Variants in PCDH15 observed in about 807,000 individuals in gnomAD.
PCDH15 encodes protocadherin related 15, also known as protocadherin-15.
Under a neutral mutation model 178.5 loss-of-function variants are expected in PCDH15, and 129 were observed. The ratio of observed to expected loss-of-function variants is 0.72; its 90% CI spans 0.63 to 0.84. PCDH15 has a LOEUF of 0.84. Ranked by LOEUF, PCDH15 falls within the 40% of genes least tolerant of loss-of-function variation. The pLI is 0.00. For synonymous variants in PCDH15, 800 were observed against 732.0 expected (o/e 1.09, Z -1.50); for missense variants, 2,230 against 2,099.9 (o/e 1.06, Z -1.21).
At chr10:54,054,823 T>C (rs2093850821) in intron 18 of PCDH15, among the ~76,000 whole-genome samples, 1 of 151,994 alleles carries the variant, frequency 6.6e-6, no homozygotes, top group Non-Finnish European at 1.5e-5. Context: ...GTGTGGGCTT[T>C]TTTCTTTATC....
intron 2 of PCDH15, among the ~76,000 whole-genome samples, chr10:55,522,270 A>T (rs1841193864): frequency 6.6e-6 from 1 of 151,874 alleles, no homozygotes; most frequent in South Asian, 2.1e-4. Flanking sequence ...CTATGGTTTT[A>T]ATTCGCATTT....
rs2093978909 is a variant in PCDH15 at position 54,059,919 on chromosome 10, T to C, written c.2220+6838A>G. Among the ~76,000 whole-genome samples, 7 of 152,236 alleles carry C rather than the reference T, an allele frequency of 4.6e-5. No individual in the cohort carries two copies. The South Asian group carries it at 1.4e-3, about 31-fold the overall frequency. ...TTCAAAAATTGATAGTCATTATTAC[T>C]GATTTTTTACTAGAGCTGTCAGTCT... On this transcript the variant is annotated intron_variant, in intron 18 of 37. Coordinates refer to ENST00000644397, the MANE Select transcript of PCDH15 (RefSeq NM_001384140.1).
chr10:54,942,669 G>T (rs531163966), intron 2 of PCDH15, among the ~76,000 whole-genome samples: 1 of 151,918 alleles, frequency 6.6e-6, no homozygotes, highest in Non-Finnish European at 1.5e-5. Context: ...TAAATATGTA[G>T]CACAAGGTCA....
chr10:54,013,849 G>C (rs1265146641), intron 20 of PCDH15, among the ~76,000 whole-genome samples: 1 of 151,966 alleles, frequency 6.6e-6, no homozygotes. Flanking sequence ...ACAGGAACTA[G>C]AGAAACAAGA....
In PCDH15 at chr10:54,762,800, A is replaced by C. The variant is rs139089209; in HGVS notation, c.-29+38125T>G. Reference sequence around the variant, plus strand: ...GTGCAATCATAAAAACAATGGTTTTATAATGAAAGAAATATTTCATAATTG... The same window carrying C: ...GTGCAATCATAAAAACAATGGTTTTCTAATGAAAGAAATATTTCATAATTG... On this transcript the variant is annotated intron_variant, in intron 1 of 37. Coordinates refer to ENST00000644397, the MANE Select transcript of PCDH15 (RefSeq NM_001384140.1). 7.6e-3 allele frequency among the ~76,000 whole-genome samples: 1,153 copies of C among 152,308 alleles called. 14 individuals carry two copies. The highest frequency in any genetic ancestry group is 0.026 in the African/African-American group (1,072 of 41,568).
At chr10:54,026,861 T>C (rs1023526443) in intron 18 of PCDH15, among the ~76,000 whole-genome samples, 2 of 151,930 alleles carry the variant, frequency 1.3e-5, no homozygotes, top group African/African-American at 4.8e-5. Flanking sequence ...CTGGAAGCAT[T>C]CCCCTTGAAA....
intron 9 of PCDH15, among the ~76,000 whole-genome samples, chr10:54,225,737 G>T (rs1003477573): frequency 6.6e-6 from 1 of 150,822 alleles, no homozygotes; most frequent in African/African-American, 2.5e-5. Context: ...ATAGTGAAAT[G>T]CACAGATCTT....
chr10:54,272,686 G>A (rs1564836518), intron 8 of PCDH15, among the ~76,000 whole-genome samples: 1 of 152,102 alleles, frequency 6.6e-6, no homozygotes, highest in African/African-American at 2.4e-5. Flanking sequence ...CACTTCATGA[G>A]ATGCTTTATC....
At chr10:53,893,585 T>C (rs1589287834) in intron 26 of PCDH15, among the ~76,000 whole-genome samples, 5 of 152,288 alleles carry the variant, frequency 3.3e-5, no homozygotes, top group Admixed American at 3.3e-4. Flanking sequence ...GAAAATGTGG[T>C]ATATATACAC....
intron 2 of PCDH15, among the ~76,000 whole-genome samples, chr10:54,927,136 G>T (rs1050278203): frequency 2.0e-5 from 3 of 151,986 alleles, no homozygotes; most frequent in Non-Finnish European, 4.4e-5. Flanking sequence ...CTGGTGTGTT[G>T]TATACTTGTT....
chr10:55,143,515 C>G (rs1031301913), intron 2 of PCDH15, among the ~76,000 whole-genome samples: 1 of 151,976 alleles, frequency 6.6e-6, no homozygotes, highest in Non-Finnish European at 1.5e-5. Flanking sequence ...TATCGTTTTC[C>G]TTTTGAATTG....
intron 1 of PCDH15, among the ~76,000 whole-genome samples, chr10:54,678,083 T>C (rs956881125): frequency 2.0e-5 from 3 of 152,178 alleles, no homozygotes; most frequent in African/African-American, 7.2e-5. Flanking sequence ...ACTGCTGTTG[T>C]TCAGGATTTT....
chr10:54,268,262 A>G (rs1328863972), intron 8 of PCDH15, among the ~76,000 whole-genome samples: 1 of 151,958 alleles, frequency 6.6e-6, no homozygotes, highest in Non-Finnish European at 1.5e-5. Context: ...CTCTGACCAT[A>G]TAAAAAAATT....
At chr10:54,905,739 T>C (rs1211891451) in intron 2 of PCDH15, among the ~76,000 whole-genome samples, 1 of 152,140 alleles carries the variant, frequency 6.6e-6, no homozygotes, top group Non-Finnish European at 1.5e-5. Flanking sequence ...TAGTTCCATA[T>C]GGACAAGAAC....
At chr10:54,165,058 C>G (rs1487501572) in intron 13 of PCDH15, among the ~76,000 whole-genome samples, 1 of 152,134 alleles carries the variant, frequency 6.6e-6, no homozygotes, top group African/African-American at 2.4e-5. Context: ...TTGTTGATTT[C>G]TTCATGTGTC....
intron 2 of PCDH15, among the ~76,000 whole-genome samples, chr10:55,498,231 T>C (rs1469130307): frequency 6.6e-6 from 1 of 151,910 alleles, no homozygotes; most frequent in Non-Finnish European, 1.5e-5. Context: ...TGCAGATTTA[T>C]AATTGATGAA....
intron 2 of PCDH15, among the ~76,000 whole-genome samples, chr10:55,047,031 A>G (rs1374533920): frequency 6.6e-6 from 1 of 151,862 alleles, no homozygotes; most frequent in Admixed American, 6.6e-5. Flanking sequence ...AATCTCGATT[A>G]CATTCTAGAC....
rs144007896 is a variant in PCDH15, at chr10:54,066,640, A to G, written c.2220+117T>C. ...TTCATTTTTTAAAGTCTTGAAGAATATCCAGCACAGTCATTTAACAGATTA... is the reference window on the plus strand; with the variant it reads ...TTCATTTTTTAAAGTCTTGAAGAATGTCCAGCACAGTCATTTAACAGATTA... On this transcript the variant is annotated intron_variant, in intron 18 of 37. Transcript: ENST00000644397. 6.7e-4 allele frequency: 668 copies of G among 995,560 alleles called. 7 individuals are homozygous for G. In the Admixed American group the frequency reaches 0.012, roughly 18 times the overall value. 61.7% of individuals were successfully genotyped at this position (995,560 alleles called of 1,614,324 possible). A position where few individuals can be genotyped will look rare whatever the true frequency, so the allele number is the denominator to read the frequency against.
intron 2 of PCDH15, among the ~76,000 whole-genome samples, chr10:54,655,280 G>GAGAGAGAGAGAC (rs1565865832): frequency 8.0e-6 from 1 of 125,446 alleles, no homozygotes; most frequent in Non-Finnish European, 1.7e-5. Flanking sequence ...GAGAGAGAGA[G>GAGAGAGAGAGAC]AGAGAGAGAG....
Sources: allele counts gnomAD v4.1 joint callset (sites outside exome capture counted in the v4.1 genomes callset), GRCh38; gene constraint gnomAD v4.1.1; transcripts MANE v1.5; gene names NCBI Gene and HGNC (gene_info 2026-07-23, HGNC 2026-07-21).